MEGF10: variants seen among roughly 807,000 people sequenced by gnomAD.
MEGF10 encodes the protein multiple EGF like domains 10.
A neutral mutation model predicts 147.5 loss-of-function variants in MEGF10; 86 were observed. The observed-to-expected ratio is 0.58, with a 90% CI of 0.49 to 0.70. MEGF10 has a LOEUF of 0.70. MEGF10 is among the 30% of genes least tolerant of loss of function. MEGF10 has a pLI of 0.00. For missense variants in MEGF10, 1,329 were observed against 1,487.3 expected, an observed-to-expected ratio of 0.89 and a Z score of 1.75; for synonymous variants, 478 against 525.5, an observed-to-expected ratio of 0.91 and a Z score of 1.24.
chr5:127,449,037 A>G, intron 21 of MEGF10, 62 bp from the exon 22 acceptor site: 6 of 1,594,358 alleles, frequency 3.8e-6, no homozygotes. Context: ...CCAGGTCCAT[A>G]ACGCTGTGCT....
chr5:127,439,145 C>G (rs1765661318), intron 17 of MEGF10, among the ~76,000 whole-genome samples: 1 of 152,186 alleles, frequency 6.6e-6, no homozygotes, highest in Non-Finnish European at 1.5e-5. Flanking sequence ...AGCCACTGCC[C>G]TAGTTCTTTT....
intron 1 of MEGF10, among the ~76,000 whole-genome samples, chr5:127,327,678 T>C (rs1247994537): frequency 6.6e-6 from 1 of 151,480 alleles, no homozygotes; most frequent in Non-Finnish European, 1.5e-5. Context: ...AGTAAATGAA[T>C]GCCCTATCTG....
At chr5:127,454,699 T>C (rs1161924271) in intron 23 of MEGF10, 89 bp downstream of exon 23, 1 of 1,188,918 alleles carries the variant, frequency 8.4e-7, no homozygotes, top group African/African-American at 1.5e-5. Flanking sequence ...CAAGCTAGAA[T>C]GGCAAGAGAA....
intron 13 of MEGF10, among the ~76,000 whole-genome samples, chr5:127,430,182 T>G (rs1458587395): frequency 6.6e-6 from 1 of 152,194 alleles, no homozygotes; most frequent in Non-Finnish European, 1.5e-5. Flanking sequence ...ACCCTGGGGT[T>G]ACATTTTTAA....
chr5:127,282,316 G>A, the MEGF10 span, among the ~76,000 whole-genome samples: 1 of 152,114 alleles, frequency 6.6e-6, no homozygotes, highest in Admixed American at 6.5e-5. Flanking sequence ...TTTCCTATAG[G>A]GGAAAAGGAA....
At chr5:127,234,723 C>G in the MEGF10 span, among the ~76,000 whole-genome samples, 3 of 152,136 alleles carry the variant, frequency 2.0e-5, no homozygotes, top group African/African-American at 7.2e-5. Context: ...CTATAATGGC[C>G]AGTTCTTTGT....
At chr5:127,376,015 A>G (rs1429699531) in intron 5 of MEGF10, among the ~76,000 whole-genome samples, 3 of 152,202 alleles carry the variant, frequency 2.0e-5, no homozygotes, top group African/African-American at 7.2e-5. Flanking sequence ...AAGAAAGAGA[A>G]CTGCCTCTGT....
chr5:127,351,491 G>T (rs373034799), intron 4 of MEGF10, among the ~76,000 whole-genome samples: 39 of 152,018 alleles, frequency 2.6e-4, no homozygotes, highest in African/African-American at 9.4e-4. Flanking sequence ...GTAGTTTTGC[G>T]GCTACAGGGA....
chr5:127,439,223 T>C (rs1765665618), intron 17 of MEGF10, among the ~76,000 whole-genome samples: 2 of 152,316 alleles, frequency 1.3e-5, no homozygotes, highest in South Asian at 2.1e-4. Flanking sequence ...TGATAGGATA[T>C]AGTGTGCAAA....
chr5:127,437,657 A>G (rs1177969648), intron 16 of MEGF10, among the ~76,000 whole-genome samples: 1 of 152,146 alleles, frequency 6.6e-6, no homozygotes, highest in Non-Finnish European at 1.5e-5. Flanking sequence ...TGACTTTCTG[A>G]TGTCTCTTCA....
chr5:127,419,698 T>C (rs192914988), intron 11 of MEGF10, among the ~76,000 whole-genome samples: 1 of 152,330 alleles, frequency 6.6e-6, no homozygotes, highest in East Asian at 1.9e-4. Flanking sequence ...CTCCCTTCCA[T>C]ATAAATATTT....
chr5:127,425,664 A>G (rs1335501992), intron 13 of MEGF10, among the ~76,000 whole-genome samples: 1 of 152,158 alleles, frequency 6.6e-6, no homozygotes, highest in Non-Finnish European at 1.5e-5. Context: ...TTATTTACAA[A>G]GGTCATCATT....
At chr5:127,312,138 G>GGGAA (rs1760316074) in intron 1 of MEGF10, among the ~76,000 whole-genome samples, 1 of 152,122 alleles carries the variant, frequency 6.6e-6, no homozygotes, top group Non-Finnish European at 1.5e-5. Context: ...ATGGTCTCCA[G>GGGAA]GGAAGCATGG....
At chr5:127,292,878 T>G (rs1759323366) in intron 1 of MEGF10, among the ~76,000 whole-genome samples, 1 of 138,352 alleles carries the variant, frequency 7.2e-6, no homozygotes, top group Non-Finnish European at 1.6e-5. Context: ...AAAATGGCTA[T>G]GCATGAGTAT....
At chr5:127,318,087 A>G (rs1162892768) in intron 1 of MEGF10, among the ~76,000 whole-genome samples, 1 of 152,166 alleles carries the variant, frequency 6.6e-6, no homozygotes, top group Non-Finnish European at 1.5e-5. Flanking sequence ...ATCAGTAAAT[A>G]TGATTAGTGC....
At chr5:127,302,881 T>G (rs964129526) in intron 1 of MEGF10, among the ~76,000 whole-genome samples, 7 of 152,136 alleles carry the variant, frequency 4.6e-5, no homozygotes, top group Admixed American at 1.3e-4. Flanking sequence ...AGAAGGCTTC[T>G]TGGAAGAGAT....
intron 7 of MEGF10, 148 bp downstream of exon 7, chr5:127,398,944 A>G: frequency 1.8e-6 from 2 of 1,110,398 alleles, no homozygotes; most frequent in African/African-American, 3.1e-5. Flanking sequence ...AAGCCATTTT[A>G]AATCTGAAAC....
intron 12 of MEGF10, among the ~76,000 whole-genome samples, chr5:127,420,602 G>T (rs922814891): frequency 2.6e-5 from 4 of 152,054 alleles, no homozygotes; most frequent in African/African-American, 4.8e-5. Flanking sequence ...TGAAAGGAGG[G>T]TGGTGACTGA....
At chr5:127,346,394 G>T (rs145766892) in intron 4 of MEGF10, among the ~76,000 whole-genome samples, 3 of 152,150 alleles carry the variant, frequency 2.0e-5, no homozygotes, top group Admixed American at 1.3e-4. Context: ...TTTAATTATG[G>T]CCATTCTTGC....
Sources: gnomAD v4.1 joint callset for allele counts (sites outside exome capture counted in the v4.1 genomes callset) on GRCh38, gnomAD v4.1.1 for gene constraint, MANE v1.5 for transcripts, NCBI Gene and HGNC (gene_info 2026-07-23, HGNC 2026-07-21) for gene names.